Variants in ECT2 observed in about 807,000 individuals in gnomAD.
The protein encoded by ECT2 is epithelial cell transforming 2.
ECT2 carries 61 observed loss-of-function variants against 116.9 expected under a neutral mutation model. The observed-to-expected ratio is 0.52, with a 90% CI of 0.42 to 0.65. The LOEUF (loss-of-function observed/expected upper bound fraction) is 0.65. Among genes scored for constraint, ECT2 ranks in the 30% least tolerant of loss-of-function variants. The pLI, the probability that ECT2 is intolerant of heterozygous loss-of-function variation, is 0.00. For missense variants in ECT2, 937 were observed against 1,078.7 expected (o/e 0.87, Z 1.84); for synonymous variants, 358 against 346.4 (o/e 1.03, Z -0.37).
At chr3:172,813,416 A>G (rs1729117154) in intron 22 of ECT2, among the ~76,000 whole-genome samples, 1 of 152,094 alleles carries the variant, frequency 6.6e-6, no homozygotes, top group African/African-American at 2.4e-5. Flanking sequence ...TCCTGTTCTG[A>G]CAGAGTATAG....
intron 14 of ECT2, among the ~76,000 whole-genome samples, chr3:172,778,413 C>T (rs1471033612): frequency 6.6e-6 from 1 of 152,040 alleles, no homozygotes; most frequent in Non-Finnish European, 1.5e-5. Flanking sequence ...ACTGGGGACT[C>T]GCCTGCCAAA....
Position 172,754,552 on chromosome 3 carries a change from A to C in ECT2, c.22A>C (p.Thr8Pro). 1 of 1,605,030 alleles carries C rather than the reference A, an allele frequency of 6.2e-7. No homozygotes were observed. The highest frequency in any genetic ancestry group is 8.5e-7 in the Non-Finnish European group (1 of 1,176,752). Residue 8 changes from threonine to proline, a missense_variant, in exon 2 of 25, where the codon ACA (threonine) becomes CCA (proline). By Grantham distance (38) the Thr-to-Pro change is conservative. Coordinates refer to ENST00000392692, the MANE Select transcript of ECT2 (RefSeq NM_001258315.2). ...AATCATGGCTGAAAATAGTGTATTA[A>C]CATCCACTACTGGGAGGACTAGCTT... MAENSVL[T>P]STTGRTSLAD... is the part of the protein sequence containing the mutation.
At chr3:172,794,862 G>T (rs576206775) in intron 18 of ECT2, among the ~76,000 whole-genome samples, 3 of 151,832 alleles carry the variant, frequency 2.0e-5, no homozygotes, top group Admixed American at 2.0e-4. Context: ...CTACAGGTGC[G>T]CACCATCACA....
intron 14 of ECT2, among the ~76,000 whole-genome samples, chr3:172,779,101 T>C (rs1396373207): frequency 6.6e-6 from 1 of 152,154 alleles, no homozygotes; most frequent in Non-Finnish European, 1.5e-5. Flanking sequence ...AAATCCTCTA[T>C]GATGTAGGAA....
At chr3:172,763,423 G>A (rs536225060) in intron 11 of ECT2, among the ~76,000 whole-genome samples, 48 of 152,318 alleles carry the variant, frequency 3.2e-4, no homozygotes, top group African/African-American at 8.4e-4. Context: ...TTGGGAGAGG[G>A]TATGAAAGCT....
intron 18 of ECT2, among the ~76,000 whole-genome samples, chr3:172,794,758 A>T (rs1018824775): frequency 6.6e-6 from 1 of 152,190 alleles, no homozygotes; most frequent in Non-Finnish European, 1.5e-5. Flanking sequence ...AGTGTCACCC[A>T]GGCTGGAGTG....
At chr3:172,770,422 T>C (rs2108468846) in intron 13 of ECT2, among the ~76,000 whole-genome samples, 1 of 152,354 alleles carries the variant, frequency 6.6e-6, no homozygotes, top group African/African-American at 2.4e-5. Flanking sequence ...TGGAGAAAGT[T>C]TCATACCACT....
chr3:172,825,063 G>A (rs1730808953), downstream of ECT2, among the ~76,000 whole-genome samples: 1 of 152,202 alleles, frequency 6.6e-6, no homozygotes, highest in East Asian at 1.9e-4. Context: ...CCAACAGCAT[G>A]TGTTGACCTC....
chr3:172,752,555 A>G (rs1421828210), intron 1 of ECT2: 1 of 150,204 alleles, frequency 6.7e-6, no homozygotes, highest in Non-Finnish European at 1.5e-5. Context: ...ATGCCTTTTC[A>G]TTGGAAATGG....
Position 172,821,052 on chromosome 3 carries a change from A to T in ECT2, c.*815A>T, listed in dbSNP as rs1022229095. 1 of 151,928 alleles carries T rather than the reference A, an allele frequency of 6.6e-6. No individual in the cohort carries two copies. The highest frequency in any genetic ancestry group is 1.5e-5 in the Non-Finnish European group (1 of 67,820). The allele number at this position is 151,928 out of a possible 1,614,324, so 9.4% of individuals were successfully genotyped here. A position where few individuals can be genotyped will look rare whatever the true frequency, so the allele number is the denominator to read the frequency against. ...TAAGACCATGGGAAAATTGTGGTAA[A>T]GACTGTTTGTACCCTTCATGAAATA... On this transcript the variant is annotated 3_prime_UTR_variant, in exon 25 of 25. Transcript: ENST00000392692.
intron 18 of ECT2, among the ~76,000 whole-genome samples, chr3:172,788,558 A>G (rs779924164): frequency 2.0e-5 from 3 of 152,080 alleles, no homozygotes; most frequent in Non-Finnish European, 2.9e-5. Context: ...ACCGTCTATC[A>G]CTGTAATTTA....
intron 24 of ECT2, chr3:172,818,318 T>C (rs1730114962): frequency 5.9e-6 from 1 of 168,942 alleles, no homozygotes; most frequent in African/African-American, 2.4e-5. Context: ...CAAATGCAGA[T>C]AAACATTAAT....
chr3:172,764,304 A>G lies in ECT2; in HGVS notation c.1095A>G (p.Ser365=). 4 of 1,614,154 alleles carry G rather than the reference A, an allele frequency of 2.5e-6. No homozygotes were observed. The highest frequency in any genetic ancestry group is 2.2e-5 in the East Asian group (1 of 44,886). The part of the protein sequence containing the change: ...EKANTPELKK[S]VSMLSLNTPN... Reference sequence around the variant, plus strand: ...CAAATACTCCTGAGCTCAAGAAATCAGTGTCAATGCTTTCTCTAAATACCC... The same window carrying G: ...CAAATACTCCTGAGCTCAAGAAATCGGTGTCAATGCTTTCTCTAAATACCC... The change falls in exon 12 of 25, where the codon TCA becomes TCG. Residue 365 remains serine, a synonymous_variant. Transcript: ENST00000392692.
rs773524140 is a variant in ECT2 at position 172,786,612 on chromosome 3, A to G, written c.1907+38A>G. On this transcript the variant is annotated intron_variant, in intron 18 of 24. Transcript: ENST00000392692. The stretch of plus-strand genomic sequence containing the variant: ...TTTTCAATTTTTGATTGTGCCTTAG[A>G]TTTCGAATGGAATTGATAGAAAACT... 7 of 1,359,066 alleles carry G rather than the reference A, an allele frequency of 5.2e-6. No individual in the cohort carries two copies. In the South Asian group the frequency reaches 7.4e-5, roughly 14 times the overall value. 84.2% of individuals were successfully genotyped at this position (1,359,066 alleles called of 1,614,324 possible).
intron 14 of ECT2, among the ~76,000 whole-genome samples, chr3:172,777,536 A>G (rs1721963349): frequency 6.6e-6 from 1 of 152,148 alleles, no homozygotes; most frequent in Non-Finnish European, 1.5e-5. Context: ...TGTTATATAC[A>G]TCTCTCTCTT....
chr3:172,779,111 A>G (rs1188723664), intron 14 of ECT2, among the ~76,000 whole-genome samples: 1 of 152,214 alleles, frequency 6.6e-6, no homozygotes, highest in African/African-American at 2.4e-5. Context: ...TGATGTAGGA[A>G]TAATTACATT....
At chr3:172,794,904 G>C (rs1477594956) in intron 18 of ECT2, among the ~76,000 whole-genome samples, 1 of 151,810 alleles carries the variant, frequency 6.6e-6, no homozygotes, top group Non-Finnish European at 1.5e-5. Context: ...TAGAGATGGG[G>C]TTTTAGCATG....
intron 18 of ECT2, 60 bp downstream of exon 18, chr3:172,786,634 A>T: frequency 8.8e-7 from 1 of 1,133,866 alleles, no homozygotes; most frequent in Non-Finnish European, 1.3e-6. Context: ...ATTGATAGAA[A>T]ACTAGAATCA....
In ECT2 at chr3:172,756,939, G is replaced by C. The variant is rs370322215; in HGVS notation, c.304-44G>C. The C allele has an allele frequency of 7.0e-5, 101 of 1,448,130 alleles. No homozygotes were observed. The Middle Eastern group carries it at 2.2e-3, about 31-fold the overall frequency. 89.7% of individuals were successfully genotyped at this position (1,448,130 alleles called of 1,614,324 possible). A position where few individuals can be genotyped will look rare whatever the true frequency, so the allele number is the denominator to read the frequency against. Reference sequence around the variant, plus strand: ...ATTTAGAGAGACAGATGGATTATTTGATATATAAATAATTTTTATTTCTGC... The same window carrying C: ...ATTTAGAGAGACAGATGGATTATTTCATATATAAATAATTTTTATTTCTGC... On this transcript the variant is annotated intron_variant, in intron 4 of 24. Transcript: ENST00000392692.
Sources: gnomAD v4.1 joint callset for allele counts (sites outside exome capture counted in the v4.1 genomes callset) on GRCh38, gnomAD v4.1.1 for gene constraint, MANE v1.5 for transcripts, NCBI Gene and HGNC (gene_info 2026-07-23, HGNC 2026-07-21) for gene names.